Variants in RAPGEF6 observed in about 807,000 individuals in gnomAD.
The protein encoded by RAPGEF6 is PDZ domain containing guanine nucleotide exchange factor (GEF) 2.
Under a neutral mutation model 171.4 loss-of-function variants are expected in RAPGEF6, and 56 were observed. That is an observed-to-expected ratio of 0.33 (90% confidence interval 0.26 to 0.41). The LOEUF is 0.41. RAPGEF6 is among the 10% of genes least tolerant of loss of function. The pLI, the probability that RAPGEF6 is intolerant of heterozygous loss-of-function variation, is 1.00. For synonymous variants in RAPGEF6, 692 were observed against 650.1 expected (o/e 1.06, Z -0.98); for missense variants, 1,674 against 1,921.4 (o/e 0.87, Z 2.41).
chr5:131,428,532 C>A (rs1200344182), intron 27 of RAPGEF6, among the ~76,000 whole-genome samples: 1 of 151,472 alleles, frequency 6.6e-6, no homozygotes, highest in Non-Finnish European at 1.5e-5. Context: ...GCGATCTTGG[C>A]TCACTGCAAT....
At chr5:131,528,807 A>G (rs939845297) in intron 6 of RAPGEF6, among the ~76,000 whole-genome samples, 50 of 151,922 alleles carry the variant, frequency 3.3e-4, no homozygotes, top group Admixed American at 3.3e-3. Flanking sequence ...GGGAGCATAA[A>G]CTGTTTGGTA....
rs186441158 is a variant in RAPGEF6, at chr5:131,467,153, T to C, written c.2240-2872A>G. Among the ~76,000 whole-genome samples the C allele has an allele frequency of 4.8e-3, 727 of 152,338 alleles. 5 individuals carry two copies. Among genetic ancestry groups the C allele is most frequent in the African/African-American group, 0.017 (690 of 41,572 alleles). ...AATTTGTACACATTTCATGTTCTCT[T>C]CCCTTGCTGCCAATATACTGTAACA... is the stretch of plus-strand genomic sequence containing the variant. On this transcript the variant is annotated intron_variant, in intron 17 of 27. Coordinates refer to ENST00000509018, the MANE Select transcript of RAPGEF6 (RefSeq NM_016340.6).
At chr5:131,613,444 CAT>C (rs36091475) in intron 1 of RAPGEF6, among the ~76,000 whole-genome samples, 12 of 149,226 alleles carry the variant, frequency 8.0e-5, no homozygotes, top group African/African-American at 1.7e-4. Context: ...TCTCTCTCTT[CAT>C]ATATATATAT....
intron 1 of RAPGEF6, among the ~76,000 whole-genome samples, chr5:131,633,676 A>G (rs1483268255): frequency 6.6e-6 from 1 of 152,130 alleles, no homozygotes; most frequent in Non-Finnish European, 1.5e-5. Flanking sequence ...GGTTGTAGTG[A>G]GCCAATATCG....
intron 1 of RAPGEF6, among the ~76,000 whole-genome samples, chr5:131,612,144 C>T (rs1466410502): frequency 1.3e-5 from 2 of 152,018 alleles, no homozygotes; most frequent in Non-Finnish European, 2.9e-5. Flanking sequence ...AAGCAATCCT[C>T]CCACGTTGGC....
At chr5:131,482,205 TTA>T (rs1366240019) in intron 15 of RAPGEF6, among the ~76,000 whole-genome samples, 4 of 152,212 alleles carry the variant, frequency 2.6e-5, no homozygotes, top group African/African-American at 9.6e-5. Flanking sequence ...GTCTGCATGA[TTA>T]AAATAAAATA....
Position 131,510,193 on chromosome 5 carries a change from T to G in RAPGEF6, c.805+121A>C, listed in dbSNP as rs369386696. On this transcript the variant is annotated intron_variant, in intron 8 of 27. Transcript: ENST00000509018. ...GCTCCTAAATTTGACTCACAAAAAC[T>G]CTAAGATAATGGCTTAACACAACAC... 2.4e-4 allele frequency: 265 copies of G among 1,096,822 alleles called. No individual in the cohort carries two copies. In the Middle Eastern group the frequency reaches 0.01, roughly 42 times the overall value. The allele number at this position is 1,096,822 out of a possible 1,614,324, so 67.9% of individuals were successfully genotyped here. A position where few individuals can be genotyped will look rare whatever the true frequency, so the allele number is the denominator to read the frequency against.
chr5:131,597,451 A>G (rs1763968198), intron 3 of RAPGEF6, among the ~76,000 whole-genome samples: 1 of 152,176 alleles, frequency 6.6e-6, no homozygotes, highest in Non-Finnish European at 1.5e-5. Context: ...GACTCAACCC[A>G]AGTGTCCAAC....
At chr5:131,528,315 A>T (rs1468255) in intron 6 of RAPGEF6, among the ~76,000 whole-genome samples, 104 of 5,786 alleles carry the variant, frequency 0.018, 1 homozygote, top group Middle Eastern at 0.083. Flanking sequence ...TATTTATATT[A>T]TATATATATA....
Position 131,472,383 on chromosome 5 carries a change from T to C in RAPGEF6, c.2239+204A>G, listed in dbSNP as rs1754806203. On this transcript the variant is annotated intron_variant, in intron 17 of 27. Coordinates refer to ENST00000509018, the MANE Select transcript of RAPGEF6 (RefSeq NM_016340.6). ...ACTGCGCCTGGCCAGAGGTAGTCTC[T>C]TTTTTATGTACTTCTGTTTCACTTT... 7.2e-6 allele frequency: 5 copies of C among 695,970 alleles called. No individual in the cohort carries two copies. In the South Asian group the frequency reaches 7.8e-5, roughly 11 times the overall value. The allele number at this position is 695,970 out of a possible 1,614,324, so 43.1% of individuals were successfully genotyped here.
In RAPGEF6 at chr5:131,498,460, C is replaced by A; in HGVS notation, c.1402G>T (p.Asp468Tyr). 2 of 1,605,632 alleles carry A rather than the reference C, an allele frequency of 1.2e-6. No homozygotes were observed. Among genetic ancestry groups the A allele is most frequent in the Non-Finnish European group, 1.7e-6 (2 of 1,175,320 alleles). The change falls in exon 12 of 28, where the codon GAC (aspartate) becomes TAC (tyrosine). Residue 468 changes from aspartate (D) to tyrosine (Y), a missense_variant. Asp to Tyr is a radical substitution (Grantham distance 160). Transcript: ENST00000509018. ...AAACCAACCTTATCTCTTAAGCTGT[C>A]GATCTTAAACCATTCCAATAGTTTG... ...GIKLLEWFKIDSLRDKVTRIV... is the reference protein window; with the variant it reads ...GIKLLEWFKIYSLRDKVTRIV...
At chr5:131,569,636 G>T (rs777795202) in intron 4 of RAPGEF6, among the ~76,000 whole-genome samples, 1 of 152,130 alleles carries the variant, frequency 6.6e-6, no homozygotes, top group Non-Finnish European at 1.5e-5. Flanking sequence ...TGAAATAATC[G>T]TGAGGTTGAA....
At chr5:131,515,245 T>C (rs3776019) in intron 7 of RAPGEF6, among the ~76,000 whole-genome samples, 19,847 of 152,228 alleles carry the variant, frequency 0.13, 1,651 homozygotes, top group Middle Eastern at 0.2. Flanking sequence ...CTTTAGTATT[T>C]CATTTAACCT....
intron 6 of RAPGEF6, among the ~76,000 whole-genome samples, chr5:131,528,321 A>ATATTTATAT (rs1561538322): frequency 1.8e-5 from 1 of 54,386 alleles, no homozygotes; most frequent in Non-Finnish European, 4.2e-5. Flanking sequence ...TATTATATAT[A>ATATTTATAT]TATATATATA....
intron 19 of RAPGEF6, 140 bp downstream of exon 19, chr5:131,461,565 T>A: frequency 2.5e-6 from 2 of 806,026 alleles, no homozygotes; most frequent in Non-Finnish European, 3.5e-6. Flanking sequence ...AAATGGAAAA[T>A]ACATTAAATC....
chr5:131,533,752 G>C lies in RAPGEF6; in HGVS notation c.496-12231C>G, dbSNP rs556136366. 5.3e-5 allele frequency among the ~76,000 whole-genome samples: 8 copies of C among 152,140 alleles called. No homozygotes were observed. In the East Asian group the frequency reaches 1.4e-3, roughly 26 times the overall value. ...CTACACAACATGGTACTTTCCTGTA[G>C]CCCAATGCTGAATTCCTAGAAAAAG... On this transcript the variant is annotated intron_variant, in intron 6 of 27. Coordinates refer to ENST00000509018, the MANE Select transcript of RAPGEF6 (RefSeq NM_016340.6).
intron 6 of RAPGEF6, among the ~76,000 whole-genome samples, chr5:131,535,648 T>C (rs1196065155): frequency 6.6e-6 from 1 of 152,190 alleles, no homozygotes; most frequent in Non-Finnish European, 1.5e-5. Context: ...GCAATGTATG[T>C]TGACTTTGCA....
intron 3 of RAPGEF6, among the ~76,000 whole-genome samples, chr5:131,602,763 A>AAAAC (rs542397329): frequency 9.9e-5 from 15 of 152,190 alleles, no homozygotes; most frequent in Admixed American, 1.3e-4. Context: ...CTCCATCTCA[A>AAAAC]AAACAAACAA....
intron 6 of RAPGEF6, among the ~76,000 whole-genome samples, chr5:131,524,642 G>GAGAA (rs1278213860): frequency 6.9e-6 from 1 of 144,924 alleles, no homozygotes; most frequent in African/African-American, 2.7e-5. Flanking sequence ...GAGAGAGAGA[G>GAGAA]ACTTGCTCTG....
Sources: gnomAD v4.1 joint callset for allele counts (sites outside exome capture counted in the v4.1 genomes callset) on GRCh38, gnomAD v4.1.1 for gene constraint, MANE v1.5 for transcripts, NCBI Gene and HGNC (gene_info 2026-07-23, HGNC 2026-07-21) for gene names.